Variants in GRM5 observed in about 807,000 individuals in gnomAD.
GRM5 encodes the protein metabotropic glutamate receptor 5.
In GRM5, 19 loss-of-function variants were observed where a neutral mutation model predicts 83.1. That is an observed-to-expected ratio of 0.23 (90% CI 0.16 to 0.34). The LOEUF (loss-of-function observed/expected upper bound fraction) is 0.34. GRM5 is among the 10% of genes least tolerant of loss of function. The pLI is 1.00. For synonymous variants in GRM5, 675 were observed against 633.6 expected, an observed-to-expected ratio of 1.07 and a Z score of -0.98; for missense variants, 1,160 against 1,588.3, an observed-to-expected ratio of 0.73 and a Z score of 4.58.
intron 4 of GRM5, among the ~76,000 whole-genome samples, chr11:88,606,550 A>T (rs1177134531): frequency 6.6e-6 from 1 of 152,168 alleles, no homozygotes; most frequent in Non-Finnish European, 1.5e-5. Context: ...ACCAAAAAAG[A>T]TTACTGCATT....
chr11:88,620,074 C>A (rs902297161), intron 4 of GRM5, among the ~76,000 whole-genome samples: 3 of 152,184 alleles, frequency 2.0e-5, no homozygotes, highest in African/African-American at 4.8e-5. Flanking sequence ...TCCCTCCAAG[C>A]CAGAATTAAT....
intron 3 of GRM5, among the ~76,000 whole-genome samples, chr11:88,687,529 C>CACAT (rs1405619906): frequency 4.5e-5 from 1 of 22,234 alleles, no homozygotes; most frequent in Non-Finnish European, 1.2e-4. Flanking sequence ...CACACACATA[C>CACAT]ATATATATAC....
At chr11:89,062,453 C>T (rs1175718513) in intron 1 of GRM5, among the ~76,000 whole-genome samples, 1 of 152,194 alleles carries the variant, frequency 6.6e-6, no homozygotes, top group African/African-American at 2.4e-5. Flanking sequence ...TTAGCTCTAG[C>T]TTTGTCCTGA....
intron 2 of GRM5, among the ~76,000 whole-genome samples, chr11:89,034,347 A>G (rs1378082764): frequency 6.6e-6 from 1 of 151,944 alleles, no homozygotes; most frequent in East Asian, 1.9e-4. Flanking sequence ...AATGATATAA[A>G]ATAACATTAT....
chr11:88,508,796 C>G lies in GRM5; in HGVS notation c.3435G>C (p.Ala1145=). Residue 1145 remains alanine, a synonymous_variant, in exon 10 of 10, where the codon GCG becomes GCC. Coordinates refer to ENST00000305447, the MANE Select transcript of GRM5 (RefSeq NM_001143831.3). This position sits in a 1 kb window ranked among gnomAD's most constrained non-coding sequence, Gnocchi z 4.2. The part of the protein sequence containing the change: ...AAGDAARESP[A]AGPEAAAAKP... ...TGGCGGCCGCAGCCTCGGGACCGGCCGCGGGGCTCTCCCGGGCCGCGTCCC... is the reference window on the plus strand; with the variant it reads ...TGGCGGCCGCAGCCTCGGGACCGGCGGCGGGGCTCTCCCGGGCCGCGTCCC... The G allele has an allele frequency of 6.8e-7, 1 of 1,468,740 alleles. No individual in the cohort carries two copies. Among genetic ancestry groups the G allele is most frequent in the Non-Finnish European group, 9.0e-7 (1 of 1,116,076 alleles). The allele number at this position is 1,468,740 out of a possible 1,614,324, so 91.0% of individuals were successfully genotyped here.
Position 88,997,349 on chromosome 11 carries a change from AAG to A in GRM5, c.661+49861_661+49862del, listed in dbSNP as rs1555056862. Among the ~76,000 whole-genome samples, 4 of 151,086 alleles carry A rather than the reference AAG, an allele frequency of 2.6e-5. No individual in the cohort carries two copies. In the South Asian group the frequency reaches 6.2e-4, roughly 24 times the overall value. Reference sequence around the variant, plus strand: ...TCTCAAAATTAAAAAAAAAAAAAAAAAGAATGAAAGAAGAGAAAAATCTTAAA... The same window carrying A: ...TCTCAAAATTAAAAAAAAAAAAAAAAAATGAAAGAAGAGAAAAATCTTAAA... On this transcript the variant is annotated intron_variant, in intron 2 of 9. Coordinates refer to ENST00000305447, the MANE Select transcript of GRM5 (RefSeq NM_001143831.3).
chr11:88,541,676 C>A (rs1365633766), intron 8 of GRM5, among the ~76,000 whole-genome samples: 1 of 152,148 alleles, frequency 6.6e-6, no homozygotes, highest in Non-Finnish European at 1.5e-5. Context: ...ACTTATATAA[C>A]TTTTTCTCAA....
At chr11:88,739,425 C>A (rs1398908777) in intron 3 of GRM5, among the ~76,000 whole-genome samples, 1 of 152,062 alleles carries the variant, frequency 6.6e-6, no homozygotes, top group East Asian at 1.9e-4. Flanking sequence ...ACTCCATATA[C>A]TTATTGTATC....
chr11:88,933,080 A>T (rs1370789856), intron 2 of GRM5, among the ~76,000 whole-genome samples: 1 of 151,898 alleles, frequency 6.6e-6, no homozygotes, highest in Non-Finnish European at 1.5e-5. Context: ...GTCACTCATA[A>T]GTAATTTACA....
intron 2 of GRM5, among the ~76,000 whole-genome samples, chr11:89,039,984 A>G (rs1420796761): frequency 6.6e-6 from 1 of 151,268 alleles, no homozygotes; most frequent in African/African-American, 2.4e-5. Context: ...CTTTTTTTTT[A>G]CTTTTTGTAG....
intron 3 of GRM5, among the ~76,000 whole-genome samples, chr11:88,846,795 C>G (rs931211794): frequency 6.6e-6 from 1 of 151,610 alleles, no homozygotes; most frequent in Admixed American, 6.6e-5. Context: ...CAAAATAACA[C>G]TAGAATACTG....
chr11:88,686,058 G>C (rs1008111996), intron 3 of GRM5, among the ~76,000 whole-genome samples: 2 of 152,008 alleles, frequency 1.3e-5, no homozygotes, highest in African/African-American at 4.8e-5. Context: ...AGCTTGCATC[G>C]TCTCCCTGAA....
intron 9 of GRM5, among the ~76,000 whole-genome samples, 194 bp from the exon 10 acceptor site, chr11:88,509,698 AG>A (rs1258411708): frequency 6.6e-6 from 1 of 152,194 alleles, no homozygotes; most frequent in Non-Finnish European, 1.5e-5. Flanking sequence ...TTTGAGTTAA[AG>A]ACTGCTTTCT....
At chr11:88,789,166 C>A (rs375732586) in intron 3 of GRM5, among the ~76,000 whole-genome samples, 1 of 152,208 alleles carries the variant, frequency 6.6e-6, no homozygotes, top group Non-Finnish European at 1.5e-5. Context: ...GTCTCCAATT[C>A]CAGCATCTGG....
At chr11:88,620,892 G>A (rs1012280407) in intron 4 of GRM5, among the ~76,000 whole-genome samples, 1 of 152,118 alleles carries the variant, frequency 6.6e-6, no homozygotes, top group Non-Finnish European at 1.5e-5. Context: ...AAATGCAAAT[G>A]AACACAGCAG....
chr11:88,906,569 T>C (rs1262031373), intron 2 of GRM5, among the ~76,000 whole-genome samples: 1 of 152,202 alleles, frequency 6.6e-6, no homozygotes, highest in Non-Finnish European at 1.5e-5. Flanking sequence ...ATTTCTATGA[T>C]AAATAGATGT....
At chr11:88,925,782 G>T in intron 2 of GRM5, 1 of 452,494 alleles carries the variant, frequency 2.2e-6, no homozygotes, top group Non-Finnish European at 4.4e-6. Flanking sequence ...TGTGGTACAT[G>T]CCTGTAATCC....
chr11:88,974,414 T>TAGATAGATAGAC (rs1243473558), intron 2 of GRM5, among the ~76,000 whole-genome samples: 2 of 150,350 alleles, frequency 1.3e-5, no homozygotes, highest in African/African-American at 2.5e-5. Context: ...GATAGATAGA[T>TAGATAGATAGAC]AGATAGATAA....
At chr11:88,523,616 TAC>T (rs972037554) in intron 9 of GRM5, among the ~76,000 whole-genome samples, 2 of 152,124 alleles carry the variant, frequency 1.3e-5, no homozygotes, top group African/African-American at 4.8e-5. Context: ...TACACCAAAG[TAC>T]ACACATATAT....
Sources: gnomAD v4.1 joint callset for allele counts (sites outside exome capture counted in the v4.1 genomes callset) on GRCh38, gnomAD v4.1.1 for gene constraint, Gnocchi (gnomAD v3.1) non-coding constraint, MANE v1.5 for transcripts, NCBI Gene and HGNC (gene_info 2026-07-23, HGNC 2026-07-21) for gene names.